The following UNC13C variants were observed in gnomAD, a reference collection of about 807,000 sequenced individuals.
UNC13C encodes the protein unc-13 homolog C, also known as protein unc-13 homolog C.
UNC13C carries 174 observed loss-of-function variants against 245.4 expected under a neutral mutation model. That is an observed-to-expected ratio of 0.71 (90% CI 0.63 to 0.80). UNC13C has a LOEUF of 0.80. Among genes scored for constraint, UNC13C ranks in the 30% least tolerant of loss-of-function variants. The pLI, the probability that UNC13C is intolerant of heterozygous loss-of-function variation, is 0.00. For missense variants in UNC13C, 2,829 were observed against 2,602.9 expected (o/e 1.09, Z -1.89); for synonymous variants, 992 against 895.1 (o/e 1.11, Z -1.93).
chr15:54,553,384 G>T (rs1360935072), intron 28 of UNC13C, among the ~76,000 whole-genome samples: 1 of 114,622 alleles, frequency 8.7e-6, no homozygotes, highest in African/African-American at 3.2e-5. Context: ...ATTATATTAT[G>T]TATTAGTATA....
chr15:54,181,452 T>C (rs188336798), intron 4 of UNC13C, among the ~76,000 whole-genome samples: 248 of 151,804 alleles, frequency 1.6e-3, no homozygotes, highest in Non-Finnish European at 3.0e-3. Flanking sequence ...GGCTCTGTTT[T>C]TTGTTTGTTT....
chr15:54,157,265 A>C (rs1228444338), intron 4 of UNC13C, among the ~76,000 whole-genome samples: 1 of 152,236 alleles, frequency 6.6e-6, no homozygotes, highest in African/African-American at 2.4e-5. Context: ...ACTTCGAATT[A>C]GAAGGCCTAG....
intron 2 of UNC13C, among the ~76,000 whole-genome samples, chr15:54,029,344 T>C (rs938927834): frequency 2.0e-5 from 3 of 152,182 alleles, no homozygotes; most frequent in Non-Finnish European, 4.4e-5. Context: ...AACTCAAGAT[T>C]AGGGCTGCAG....
intron 2 of UNC13C, among the ~76,000 whole-genome samples, chr15:54,066,698 T>C (rs1279217753): frequency 6.6e-6 from 1 of 152,168 alleles, no homozygotes; most frequent in African/African-American, 2.4e-5. Flanking sequence ...TAGGCAGTGA[T>C]AGGCTATTTC....
In UNC13C at chr15:54,014,747, G is replaced by T. The variant is rs1171265881; in HGVS notation, c.1844G>T (p.Gly615Val). 1 of 1,613,844 alleles carries T rather than the reference G, an allele frequency of 6.2e-7. No homozygotes were observed. The highest frequency in any genetic ancestry group is 8.5e-7 in the Non-Finnish European group (1 of 1,179,820). Residue 615 changes from glycine to valine, a missense_variant, in exon 2 of 33, where the codon GGG (glycine) becomes GTG (valine). Coordinates refer to ENST00000260323, the MANE Select transcript of UNC13C (RefSeq NM_001080534.3). The part of the protein sequence containing the change: ...HLNGGVQGIQ[G>V]QTETENTETV... ...AATGGAGGTGTTCAGGGTATCCAAG[G>T]GCAGACTGAAACTGAAAACACAGAA...
intron 19 of UNC13C, among the ~76,000 whole-genome samples, chr15:54,494,128 G>A (rs910659229): frequency 2.6e-5 from 4 of 151,948 alleles, no homozygotes; most frequent in African/African-American, 9.7e-5. Context: ...AATGATTATA[G>A]CTCCTGACTC....
chr15:54,387,868 A>G (rs148345713), intron 17 of UNC13C, among the ~76,000 whole-genome samples: 1 of 152,250 alleles, frequency 6.6e-6, no homozygotes, highest in East Asian at 1.9e-4. Flanking sequence ...GATTATTCAA[A>G]TTCTTGGCAT....
intron 2 of UNC13C, among the ~76,000 whole-genome samples, chr15:54,029,310 T>G (rs913678716): frequency 6.6e-6 from 1 of 152,194 alleles, no homozygotes; most frequent in Non-Finnish European, 1.5e-5. Context: ...CAATCAACAT[T>G]TATTGAGTGC....
chr15:54,103,200 A>G (rs879650843), intron 2 of UNC13C, among the ~76,000 whole-genome samples: 3 of 152,212 alleles, frequency 2.0e-5, no homozygotes, highest in Non-Finnish European at 4.4e-5. Context: ...ACTCTCTCAC[A>G]GTACATACAC....
chr15:54,064,080 T>A (rs1167179419), intron 2 of UNC13C, among the ~76,000 whole-genome samples: 1 of 152,004 alleles, frequency 6.6e-6, no homozygotes, highest in African/African-American at 2.4e-5. Flanking sequence ...TTTTTCTTCT[T>A]CTTTTTTTTT....
chr15:54,183,280 C>T (rs1018410783), intron 4 of UNC13C, among the ~76,000 whole-genome samples: 1 of 150,780 alleles, frequency 6.6e-6, no homozygotes, highest in African/African-American at 2.4e-5. Context: ...ATAAATGGTG[C>T]TGATTGTACA....
At chr15:54,078,462 A>G (rs963483433) in intron 2 of UNC13C, among the ~76,000 whole-genome samples, 6 of 152,162 alleles carry the variant, frequency 3.9e-5, no homozygotes, top group South Asian at 2.1e-4. Context: ...CCAATAGTGT[A>G]TAAGTGTTCC....
At chr15:54,156,225 A>C (rs1351260430) in intron 4 of UNC13C, among the ~76,000 whole-genome samples, 2 of 152,162 alleles carry the variant, frequency 1.3e-5, no homozygotes, top group South Asian at 2.1e-4. Context: ...AAGCAGGTGC[A>C]CTCAGGCATA....
intron 2 of UNC13C, among the ~76,000 whole-genome samples, chr15:54,073,523 C>A (rs1192792184): frequency 6.6e-6 from 1 of 152,208 alleles, no homozygotes; most frequent in Non-Finnish European, 1.5e-5. Context: ...TACCATTTCT[C>A]CACATCCTCT....
At chr15:53,864,406 T>A in the UNC13C span, among the ~76,000 whole-genome samples, 1 of 152,202 alleles carries the variant, frequency 6.6e-6, no homozygotes, top group African/African-American at 2.4e-5. Context: ...CTCAGTTTAC[T>A]CTTTCTCAAT....
At chr15:54,262,574 G>T (rs559496332) in intron 8 of UNC13C, among the ~76,000 whole-genome samples, 134 of 152,142 alleles carry the variant, frequency 8.8e-4, no homozygotes, top group Non-Finnish European at 1.5e-3. Context: ...CATATTAATT[G>T]CATGCAATTT....
intron 19 of UNC13C, among the ~76,000 whole-genome samples, chr15:54,443,300 C>T (rs935311231): frequency 6.6e-6 from 1 of 151,704 alleles, no homozygotes; most frequent in Non-Finnish European, 1.5e-5. Context: ...GGATCTTTTT[C>T]TTTTATTCTT....
chr15:54,528,804 A>T (rs1279264189), intron 25 of UNC13C, among the ~76,000 whole-genome samples: 1 of 152,208 alleles, frequency 6.6e-6, no homozygotes, highest in African/African-American at 2.4e-5. Flanking sequence ...TGGTAAATCA[A>T]CTAGTTCAAA....
chr15:54,032,275 G>A lies in UNC13C; in HGVS notation c.2983+16389G>A, dbSNP rs1048481991. On this transcript the variant is annotated intron_variant, in intron 2 of 32. Transcript: ENST00000260323. ...AGAAAGAATAGCAATTTGTGTGGAA[G>A]GAAGTGATTTTCATGTCAAGGTACG... is the stretch of plus-strand genomic sequence containing the variant. Among the ~76,000 whole-genome samples the A allele has an allele frequency of 4.6e-5, 7 of 152,180 alleles. No individual in the cohort carries two copies. In the East Asian group the frequency reaches 1.3e-3, roughly 29 times the overall value.
Sources: allele counts gnomAD v4.1 joint callset (sites outside exome capture counted in the v4.1 genomes callset), GRCh38; gene constraint gnomAD v4.1.1; transcripts MANE v1.5; gene names NCBI Gene and HGNC (gene_info 2026-07-23, HGNC 2026-07-21).